Variants in SPOCK1 observed in about 807,000 individuals in gnomAD.
The protein encoded by SPOCK1 is testican-1.
A neutral mutation model predicts 55.3 loss-of-function variants in SPOCK1; 23 were observed. The observed-to-expected ratio is 0.42, with a 90% CI of 0.30 to 0.59. The LOEUF is 0.59. SPOCK1 is among the 20% of genes least tolerant of loss of function. SPOCK1 has a pLI of 0.22. For missense variants in SPOCK1, 499 were observed against 552.5 expected (o/e 0.90, Z 0.97); for synonymous variants, 226 against 221.0 (o/e 1.02, Z -0.20).
chr5:137,478,789 T>C (rs897363295), intron 2 of SPOCK1, among the ~76,000 whole-genome samples: 1 of 151,956 alleles, frequency 6.6e-6, no homozygotes, highest in Non-Finnish European at 1.5e-5. Context: ...CAACCCAAAT[T>C]TGACTAAGAC....
intron 3 of SPOCK1, among the ~76,000 whole-genome samples, chr5:137,165,651 A>G (rs187429301): frequency 6.6e-6 from 1 of 152,340 alleles, no homozygotes; most frequent in East Asian, 1.9e-4. Flanking sequence ...AGGAAACTCA[A>G]AGAAATTCAG....
At chr5:137,254,739 A>G (rs959813334) in intron 3 of SPOCK1, among the ~76,000 whole-genome samples, 1 of 152,226 alleles carries the variant, frequency 6.6e-6, no homozygotes, top group Non-Finnish European at 1.5e-5. Context: ...GTGGGGTCGA[A>G]CTAATCTACA....
chr5:137,076,061 C>G (rs949512892), intron 5 of SPOCK1, among the ~76,000 whole-genome samples: 10 of 152,196 alleles, frequency 6.6e-5, no homozygotes, highest in African/African-American at 2.4e-4. Flanking sequence ...GGGAGGACAA[C>G]CTGCTGTACA....
At chr5:137,463,215 G>A (rs1052707343) in intron 2 of SPOCK1, among the ~76,000 whole-genome samples, 1 of 152,090 alleles carries the variant, frequency 6.6e-6, no homozygotes, top group African/African-American at 2.4e-5. Flanking sequence ...ATTTTAAAGA[G>A]ATTCTACACT....
chr5:137,042,084 A>G (rs75026880), intron 6 of SPOCK1, among the ~76,000 whole-genome samples: 1 of 152,268 alleles, frequency 6.6e-6, no homozygotes, highest in East Asian at 1.9e-4. Context: ...TAAACAAACT[A>G]TGAAACATCC....
At chr5:137,087,799 G>T (rs1349249995) in intron 5 of SPOCK1, among the ~76,000 whole-genome samples, 1 of 152,192 alleles carries the variant, frequency 6.6e-6, no homozygotes, top group African/African-American at 2.4e-5. Flanking sequence ...AGAACATTGA[G>T]AAGGTTCAGA....
intron 5 of SPOCK1, 110 bp downstream of exon 5, chr5:137,112,325 C>CA: frequency 7.2e-7 from 1 of 1,389,482 alleles, no homozygotes; most frequent in East Asian, 2.4e-5. Flanking sequence ...TTCTCAAGGG[C>CA]AAGGCCTGGA....
chr5:137,271,536 A>C (rs1231025656), intron 2 of SPOCK1, among the ~76,000 whole-genome samples: 9 of 151,982 alleles, frequency 5.9e-5, no homozygotes, highest in Non-Finnish European at 1.2e-4. Flanking sequence ...TCTTGCTATA[A>C]TTTGGGTGAT....
intron 6 of SPOCK1, among the ~76,000 whole-genome samples, chr5:137,000,638 T>C (rs1176753098): frequency 6.6e-6 from 1 of 152,036 alleles, no homozygotes; most frequent in East Asian, 1.9e-4. Context: ...AAGGAGTGAG[T>C]CTACAATTCC....
chr5:137,207,331 G>A (rs973324558), intron 3 of SPOCK1, among the ~76,000 whole-genome samples: 3 of 152,202 alleles, frequency 2.0e-5, no homozygotes, highest in African/African-American at 7.2e-5. Flanking sequence ...GTTCTAAGTT[G>A]GAACCAACAC....
At chr5:137,152,327 C>G (rs1754332746) in intron 3 of SPOCK1, among the ~76,000 whole-genome samples, 1 of 152,228 alleles carries the variant, frequency 6.6e-6, no homozygotes, top group Admixed American at 6.5e-5. Context: ...CCACCTATCT[C>G]TCCACCAATG....
At chr5:137,254,005 T>G (rs187909605) in intron 3 of SPOCK1, among the ~76,000 whole-genome samples, 1 of 152,228 alleles carries the variant, frequency 6.6e-6, no homozygotes, top group Admixed American at 6.5e-5. Context: ...GAGAACAGAA[T>G]GATGAATGCT....
chr5:137,188,603 A>T (rs982060543), intron 3 of SPOCK1, among the ~76,000 whole-genome samples: 4 of 152,102 alleles, frequency 2.6e-5, no homozygotes, highest in African/African-American at 9.7e-5. Flanking sequence ...CTCCTCCCCC[A>T]TCTGTTTTCC....
chr5:137,229,555 G>A (rs1004584966), intron 3 of SPOCK1, among the ~76,000 whole-genome samples: 2 of 152,168 alleles, frequency 1.3e-5, no homozygotes, highest in Admixed American at 6.5e-5. Flanking sequence ...AAGGTGGATG[G>A]CTAATGTCTG....
At chr5:137,258,843 C>T (rs558564067) in intron 3 of SPOCK1, among the ~76,000 whole-genome samples, 3 of 152,298 alleles carry the variant, frequency 2.0e-5, no homozygotes, top group East Asian at 3.9e-4. Flanking sequence ...TCATCATTCA[C>T]TACGATTCCC....
At chr5:137,005,059 T>G (rs933480497) in intron 6 of SPOCK1, among the ~76,000 whole-genome samples, 2 of 152,172 alleles carry the variant, frequency 1.3e-5, no homozygotes, top group Non-Finnish European at 2.9e-5. Flanking sequence ...AAGTACCACT[T>G]GGGTCTGGCA....
intron 4 of SPOCK1, among the ~76,000 whole-genome samples, chr5:137,116,868 T>C (rs1233494093): frequency 6.6e-6 from 1 of 152,064 alleles, no homozygotes; most frequent in Non-Finnish European, 1.5e-5. Flanking sequence ...CATGTGGGTT[T>C]TCCTTGACCC....
At chr5:137,413,161 C>A (rs564786463) in intron 2 of SPOCK1, among the ~76,000 whole-genome samples, 29 of 152,280 alleles carry the variant, frequency 1.9e-4, no homozygotes, top group African/African-American at 7.0e-4. Flanking sequence ...GCTCAAAATT[C>A]TTTTCTTCTC....
At chr5:137,154,243 C>T (rs894056316) in intron 3 of SPOCK1, among the ~76,000 whole-genome samples, 6 of 152,142 alleles carry the variant, frequency 3.9e-5, no homozygotes, top group African/African-American at 7.2e-5. Flanking sequence ...GCCAAGATGG[C>T]GCCGTTGCAC....
Sources: allele counts gnomAD v4.1 joint callset (sites outside exome capture counted in the v4.1 genomes callset), GRCh38; gene constraint gnomAD v4.1.1; transcripts MANE v1.5; gene names NCBI Gene and HGNC (gene_info 2026-07-23, HGNC 2026-07-21).